SPPL3: variants seen among roughly 807,000 people sequenced by gnomAD.
The protein encoded by SPPL3 is signal peptide peptidase like 3.
SPPL3 carries 5 observed loss-of-function variants against 42.4 expected under a neutral mutation model. The observed-to-expected ratio is 0.12, with a 90% CI of 0.06 to 0.25. SPPL3 has a LOEUF of 0.25. Among genes scored for constraint, SPPL3 ranks in the 10% least tolerant of loss-of-function variants. The probability of loss-of-function intolerance (pLI) is 1.00; values close to 1 mark genes in which losing one functional copy is unlikely to be tolerated. For missense variants in SPPL3, 235 were observed against 489.0 expected, an observed-to-expected ratio of 0.48 and a Z score of 4.90; for synonymous variants, 195 against 181.8, an observed-to-expected ratio of 1.07 and a Z score of -0.58.
chr12:120,796,778 T>C (rs968634259), intron 2 of SPPL3, among the ~76,000 whole-genome samples: 1 of 152,226 alleles, frequency 6.6e-6, no homozygotes, highest in Non-Finnish European at 1.5e-5. Context: ...TTGTAAGTTT[T>C]TCCAATCAGG....
chr12:120,896,741 T>C (rs1873814757), intron 1 of SPPL3, among the ~76,000 whole-genome samples: 1 of 151,178 alleles, frequency 6.6e-6, no homozygotes, highest in Admixed American at 6.6e-5. Flanking sequence ...ATCGCACCAC[T>C]ACACTCTAGA....
chr12:120,798,279 G>C (rs1348244683), intron 2 of SPPL3, among the ~76,000 whole-genome samples: 1 of 152,080 alleles, frequency 6.6e-6, no homozygotes, highest in East Asian at 1.9e-4. Flanking sequence ...CAGTATTTGA[G>C]ACATATTTCT....
rs144926171 is a variant in SPPL3, at chr12:120,885,423, T to C, written c.23+18422A>G. 3.6e-4 allele frequency among the ~76,000 whole-genome samples: 55 copies of C among 152,300 alleles called. No individual in the cohort carries two copies. In the East Asian group the frequency reaches 9.3e-3, roughly 26 times the overall value. On this transcript the variant is annotated intron_variant, in intron 1 of 10. Transcript: ENST00000353487. ...CCATATTATCACAAATGCCAGGGTATAGCATGTAAATTAAGTCATGATCGT... is the reference window on the plus strand; with the variant it reads ...CCATATTATCACAAATGCCAGGGTACAGCATGTAAATTAAGTCATGATCGT...
chr12:120,855,553 G>A (rs556133388), intron 1 of SPPL3, among the ~76,000 whole-genome samples: 77 of 152,150 alleles, frequency 5.1e-4, no homozygotes, highest in Middle Eastern at 3.4e-3. Flanking sequence ...CAGGCATGAC[G>A]GCAGTTGCCT....
chr12:120,833,690 A>T (rs1404039917), intron 1 of SPPL3, among the ~76,000 whole-genome samples: 1 of 133,428 alleles, frequency 7.5e-6, no homozygotes, highest in East Asian at 2.2e-4. Flanking sequence ...AGAAAAAAAA[A>T]AAAAGGAAAA....
chr12:120,772,442 C>T (rs192705522), intron 6 of SPPL3, among the ~76,000 whole-genome samples: 11 of 151,332 alleles, frequency 7.3e-5, no homozygotes, highest in African/African-American at 2.4e-4. Context: ...TAGCTGACCA[C>T]GTGCTCCTGG....
Position 120,798,626 on chromosome 12 carries a change from C to T in SPPL3, c.102-7069G>A, listed in dbSNP as rs11065269. Among the ~76,000 whole-genome samples, 1,012 of 152,306 alleles carry T rather than the reference C, an allele frequency of 6.6e-3. 11 individuals carry two copies. The highest frequency in any genetic ancestry group is 0.023 in the African/African-American group (959 of 41,564). Reference sequence around the variant, plus strand: ...CAATGGAACATGAAGACTGCTCCTTCCCTGTGGGCATGTTTTGGAAACACA... The same window carrying T: ...CAATGGAACATGAAGACTGCTCCTTTCCTGTGGGCATGTTTTGGAAACACA... On this transcript the variant is annotated intron_variant, in intron 2 of 10. Coordinates refer to ENST00000353487, the MANE Select transcript of SPPL3 (RefSeq NM_139015.5).
intron 1 of SPPL3, among the ~76,000 whole-genome samples, chr12:120,823,255 G>A (rs1351742846): frequency 6.6e-6 from 1 of 151,566 alleles, no homozygotes; most frequent in Non-Finnish European, 1.5e-5. Flanking sequence ...GGAGGACAGA[G>A]AACAAAAGGA....
At chr12:120,833,319 G>C (rs1411016418) in intron 1 of SPPL3, among the ~76,000 whole-genome samples, 1 of 152,174 alleles carries the variant, frequency 6.6e-6, no homozygotes, top group Admixed American at 6.5e-5. Context: ...AACAGGGTTG[G>C]CCAAAGAGGT....
intron 6 of SPPL3, 140 bp from the exon 7 acceptor site, chr12:120,769,199 C>G (rs964886175): frequency 3.2e-6 from 2 of 633,358 alleles, no homozygotes; most frequent in African/African-American, 1.8e-5. Flanking sequence ...CAGAAACTTA[C>G]ATGCAACTGG....
chr12:120,764,897 A>C lies in SPPL3; in HGVS notation c.*102T>G. Reference sequence around the variant, plus strand: ...CCAGTCACACGGCAGTTCCTTAAACACAGGTACATTTCTGAGTACCAGGCC... The same window carrying C: ...CCAGTCACACGGCAGTTCCTTAAACCCAGGTACATTTCTGAGTACCAGGCC... On this transcript the variant is annotated 3_prime_UTR_variant, in exon 11 of 11. Transcript: ENST00000353487. 3.1e-6 allele frequency: 4 copies of C among 1,274,226 alleles called. No homozygotes were observed. The highest frequency in any genetic ancestry group is 4.4e-6 in the Non-Finnish European group (4 of 918,584). The allele number at this position is 1,274,226 out of a possible 1,614,324, so 78.9% of individuals were successfully genotyped here. A position where few individuals can be genotyped will look rare whatever the true frequency, so the allele number is the denominator to read the frequency against.
chr12:120,765,419 C>T (rs1208571277), intron 10 of SPPL3, among the ~76,000 whole-genome samples: 2 of 151,914 alleles, frequency 1.3e-5, no homozygotes, highest in East Asian at 3.9e-4. Context: ...TCCTGAGTAG[C>T]TGGGATTACA....
intron 1 of SPPL3, among the ~76,000 whole-genome samples, chr12:120,866,565 C>T (rs11065301): frequency 0.31 from 47,731 of 152,014 alleles, 9,086 homozygotes; most frequent in Middle Eastern, 0.45. Flanking sequence ...CTGAAAAAGG[C>T]ATGTTCAAAA....
rs368317254 is a variant in SPPL3 at position 120,867,240 on chromosome 12, T to G, written c.23+36605A>C. Among the ~76,000 whole-genome samples, 104 of 152,310 alleles carry G rather than the reference T, an allele frequency of 6.8e-4. 3 individuals carry two copies. In the South Asian group the frequency reaches 0.021, roughly 31 times the overall value. ...TGTAATGTTGTCAGTGCAAATAACT[T>G]TAATCTGATGATAAATGGTTGAAAA... is the stretch of plus-strand genomic sequence containing the variant. On this transcript the variant is annotated intron_variant, in intron 1 of 10. Coordinates refer to ENST00000353487, the MANE Select transcript of SPPL3 (RefSeq NM_139015.5).
chr12:120,885,879 A>T (rs1202300965), intron 1 of SPPL3, among the ~76,000 whole-genome samples: 2 of 127,056 alleles, frequency 1.6e-5, no homozygotes, highest in East Asian at 2.3e-4. Context: ...TTTGAGACAG[A>T]GTTTTGCTCT....
chr12:120,806,713 G>A (rs1321091128), intron 2 of SPPL3, among the ~76,000 whole-genome samples: 1 of 151,960 alleles, frequency 6.6e-6, no homozygotes, highest in African/African-American at 2.4e-5. Context: ...GCTGGGCATG[G>A]TGACGGGTGC....
chr12:120,852,976 CCTCCACCT>C (rs938783732), intron 1 of SPPL3, among the ~76,000 whole-genome samples: 7 of 150,678 alleles, frequency 4.6e-5, no homozygotes, highest in African/African-American at 1.7e-4. Context: ...CTTACTGCAA[CCTCCACCT>C]CTTGGGTTCA....
In SPPL3 at chr12:120,810,972, C is replaced by A. The variant is rs770551325; in HGVS notation, c.24-86G>T. ...GTCTAATGGAGTTCTATAAACCCCACTGAGCTTTGTTTTTATCTTTAAGAA... is the reference window on the plus strand; with the variant it reads ...GTCTAATGGAGTTCTATAAACCCCAATGAGCTTTGTTTTTATCTTTAAGAA... On this transcript the variant is annotated intron_variant, in intron 1 of 10. Transcript: ENST00000353487. The A allele has an allele frequency of 1.2e-5, 10 of 848,688 alleles. No individual in the cohort carries two copies. The South Asian group carries it at 1.3e-4, about 11-fold the overall frequency. 52.6% of individuals were successfully genotyped at this position (848,688 alleles called of 1,614,324 possible).
intron 1 of SPPL3, among the ~76,000 whole-genome samples, chr12:120,835,944 T>C (rs1275393230): frequency 6.6e-6 from 1 of 152,222 alleles, no homozygotes; most frequent in Non-Finnish European, 1.5e-5. Flanking sequence ...CTATCTGAAA[T>C]GGGCATTAGC....
Sources: allele counts gnomAD v4.1 joint callset (sites outside exome capture counted in the v4.1 genomes callset), GRCh38; gene constraint gnomAD v4.1.1; transcripts MANE v1.5; gene names NCBI Gene and HGNC (gene_info 2026-07-23, HGNC 2026-07-21).